EGLN3: variants seen among roughly 807,000 people sequenced by gnomAD.
EGLN3 encodes the protein prolyl hydroxylase EGLN3.
Under a neutral mutation model 26.0 loss-of-function variants are expected in EGLN3, and 15 were observed. The observed-to-expected ratio is 0.58, with a 90% CI of 0.39 to 0.89. The LOEUF is 0.89. Ranked by LOEUF, EGLN3 falls within the 40% of genes least tolerant of loss-of-function variation. The pLI is 0.00. For synonymous variants in EGLN3, 147 were observed against 127.2 expected (o/e 1.16, Z -1.05); for missense variants, 238 against 311.6 (o/e 0.76, Z 1.78).
intron 1 of EGLN3, among the ~76,000 whole-genome samples, chr14:33,947,248 G>A (rs146133120): frequency 3.3e-4 from 51 of 152,260 alleles, no homozygotes; most frequent in African/African-American, 1.0e-3. Context: ...AGTAGCGAGC[G>A]GATAAATCCT....
rs150884716 is a variant in EGLN3, at chr14:33,930,190, A to G, written c.477+906T>C. ...TTGTTAAATGATTCCAGACCTTGCAATTTATTATTACCAGTCTGATAACTT... is the reference window on the plus strand; with the variant it reads ...TTGTTAAATGATTCCAGACCTTGCAGTTTATTATTACCAGTCTGATAACTT... On this transcript the variant is annotated intron_variant, in intron 2 of 4. Transcript: ENST00000250457. Among the ~76,000 whole-genome samples the G allele has an allele frequency of 3.0e-4, 46 of 152,292 alleles. 1 individual carries two copies. Among genetic ancestry groups the G allele is most frequent in the Middle Eastern group, 3.4e-3 (1 of 294 alleles).
intron 1 of EGLN3, among the ~76,000 whole-genome samples, chr14:33,947,635 T>TA (rs201461891): frequency 5.3e-3 from 808 of 152,120 alleles, no homozygotes; most frequent in Non-Finnish European, 7.6e-3. Context: ...TTAAAGTAGC[T>TA]AAAAAAAATT....
Position 33,930,892 on chromosome 14 carries a change from C to T in EGLN3, c.477+204G>A, listed in dbSNP as rs571889146. ...GGGTTAATAATCACCCTACCTACCC[C>T]ACTCCAAATTAACTTCATTGTTTTC... On this transcript the variant is annotated intron_variant, in intron 2 of 4. Coordinates refer to ENST00000250457, the MANE Select transcript of EGLN3 (RefSeq NM_022073.4). 3.3e-5 allele frequency among the ~76,000 whole-genome samples: 5 copies of T among 152,270 alleles called. No homozygotes were observed. In the East Asian group the frequency reaches 5.8e-4, roughly 18 times the overall value.
At chr14:33,943,940 T>C (rs1298830846) in intron 1 of EGLN3, among the ~76,000 whole-genome samples, 1 of 152,182 alleles carries the variant, frequency 6.6e-6, no homozygotes. Flanking sequence ...TTCATGATAC[T>C]CCAAAACCTT....
chr14:33,940,754 A>T (rs1409939592), intron 1 of EGLN3, among the ~76,000 whole-genome samples: 1 of 152,110 alleles, frequency 6.6e-6, no homozygotes, highest in Non-Finnish European at 1.5e-5. Flanking sequence ...CAACTGCACT[A>T]GTTAATTTGG....
chr14:33,927,066 T>A (rs1219314400), intron 3 of EGLN3, 33 bp from the exon 4 acceptor site: 1 of 1,504,608 alleles, frequency 6.6e-7, no homozygotes, highest in Non-Finnish European at 9.0e-7. Flanking sequence ...AGGAAAGAGA[T>A]TTAATGGTAC....
intron 1 of EGLN3, among the ~76,000 whole-genome samples, chr14:33,935,895 AAGGCACAACGACAC>A: frequency 6.6e-6 from 1 of 152,036 alleles, no homozygotes; most frequent in South Asian, 2.1e-4. Flanking sequence ...TCTCCACCAT[AAGGCACAACGACAC>A]AGGCACAACA....
intron 1 of EGLN3, among the ~76,000 whole-genome samples, chr14:33,942,359 A>T (rs534359337): frequency 2.6e-5 from 4 of 152,194 alleles, no homozygotes; most frequent in Non-Finnish European, 5.9e-5. Flanking sequence ...TAAACAAAGA[A>T]AGCACAATAG....
intron 1 of EGLN3, 43 bp downstream of exon 1, chr14:33,950,353 T>C (rs1594387748): frequency 6.3e-7 from 1 of 1,589,690 alleles, no homozygotes; most frequent in Middle Eastern, 1.7e-4. Flanking sequence ...GTGCCTCCCG[T>C]CCCCGCGGGA....
chr14:33,950,286 G>A (rs1286122577), intron 1 of EGLN3, 110 bp downstream of exon 1: 1 of 1,052,460 alleles, frequency 9.5e-7, no homozygotes, highest in African/African-American at 1.6e-5. Flanking sequence ...CTGACTTCTT[G>A]GTTAAAAAAC....
intron 1 of EGLN3, among the ~76,000 whole-genome samples, chr14:33,944,947 C>T (rs888689509): frequency 6.6e-6 from 1 of 152,190 alleles, no homozygotes; most frequent in African/African-American, 2.4e-5. Flanking sequence ...ATTAAACACA[C>T]ACACCCTCCT....
intron 1 of EGLN3, among the ~76,000 whole-genome samples, chr14:33,940,416 A>C (rs898348979): frequency 2.6e-5 from 4 of 152,040 alleles, no homozygotes; most frequent in African/African-American, 9.7e-5. Flanking sequence ...TAAATAATCT[A>C]ATGTCTGATC....
intron 4 of EGLN3, among the ~76,000 whole-genome samples, chr14:33,926,479 C>T (rs2064363263): frequency 6.6e-6 from 1 of 152,116 alleles, no homozygotes; most frequent in African/African-American, 2.4e-5. Flanking sequence ...TTTAATGCAA[C>T]GTATTTTGGG....
chr14:33,948,194 T>C (rs558600664), intron 1 of EGLN3: 1 of 152,168 alleles, frequency 6.6e-6, no homozygotes, highest in East Asian at 1.9e-4. Flanking sequence ...GAAGGATAAA[T>C]TAATGTGAAA....
At position 33,950,777 on chromosome 14, in the gene EGLN3, G is replaced by A; in HGVS notation, c.-25C>T. ...TCTCGCCCGCAGAATCGAGGTCCGGGATCCCCAGCGTGCAACCAGAGAGGG... is the reference window on the plus strand; with the variant it reads ...TCTCGCCCGCAGAATCGAGGTCCGGAATCCCCAGCGTGCAACCAGAGAGGG... On this transcript the variant is annotated 5_prime_UTR_variant, in exon 1 of 5. Transcript: ENST00000250457. 1 of 1,573,792 alleles carries A rather than the reference G, an allele frequency of 6.4e-7. No homozygotes were observed. The highest frequency in any genetic ancestry group is 1.2e-5 in the South Asian group (1 of 85,788).
Position 33,950,785 on chromosome 14 carries a change from G to GA in EGLN3, c.-34_-33insT. 7.2e-7 allele frequency: 1 copy of GA among 1,396,212 alleles called. No individual in the cohort carries two copies. The allele number at this position is 1,396,212 out of a possible 1,614,324, so 86.5% of individuals were successfully genotyped here. A position where few individuals can be genotyped will look rare whatever the true frequency, so the allele number is the denominator to read the frequency against. On this transcript the variant is annotated 5_prime_UTR_variant, in exon 1 of 5. Transcript: ENST00000250457. Reference sequence around the variant, plus strand: ...GCAGAATCGAGGTCCGGGATCCCCAGCGTGCAACCAGAGAGGGAACGATCT... The same window carrying GA: ...GCAGAATCGAGGTCCGGGATCCCCAGACGTGCAACCAGAGAGGGAACGATCT...
chr14:33,925,953 G>T, intron 4 of EGLN3, 31 bp from the exon 5 acceptor site: 2 of 1,610,596 alleles, frequency 1.2e-6, no homozygotes, highest in South Asian at 2.2e-5. Context: ...AGAATAAAGA[G>T]GGTATGGAGT....
At chr14:33,949,366 G>A (rs1566602518) in intron 1 of EGLN3, 1 of 152,248 alleles carries the variant, frequency 6.6e-6, no homozygotes, top group Non-Finnish European at 1.5e-5. Context: ...TTGTCAAAGA[G>A]TGGTACATAG....
chr14:33,934,968 G>A (rs2064430957), intron 1 of EGLN3, among the ~76,000 whole-genome samples: 1 of 152,200 alleles, frequency 6.6e-6, no homozygotes, highest in Non-Finnish European at 1.5e-5. Flanking sequence ...CTTTAAACTA[G>A]TATTCTGATC....
Sources: gnomAD v4.1 joint callset for allele counts (sites outside exome capture counted in the v4.1 genomes callset) on GRCh38, gnomAD v4.1.1 for gene constraint, MANE v1.5 for transcripts, NCBI Gene and HGNC (gene_info 2026-07-23, HGNC 2026-07-21) for gene names.